Variants in EIF2A observed in about 807,000 individuals in gnomAD.
EIF2A encodes eukaryotic translation initiation factor 2A, also known as 65 kDa eukaryotic translation initiation factor 2A.
In EIF2A, 62 loss-of-function variants were observed where a neutral mutation model predicts 75.2. The observed-to-expected ratio is 0.82, with a 90% CI of 0.67 to 1.02. The LOEUF (loss-of-function observed/expected upper bound fraction) is 1.02, where lower values mean the gene tolerates loss of function less well. EIF2A is among the 50% of genes least tolerant of loss of function. The pLI is 0.00. For synonymous variants in EIF2A, 207 were observed against 239.0 expected (o/e 0.87, Z 1.23); for missense variants, 611 against 677.7 (o/e 0.90, Z 1.09).
chr3:150,582,170 T>G (rs1389475663), intron 12 of EIF2A, among the ~76,000 whole-genome samples: 1 of 150,478 alleles, frequency 6.6e-6, no homozygotes, highest in Non-Finnish European at 1.5e-5. Flanking sequence ...CTGGCTAATT[T>G]TTATATTTTT....
intron 9 of EIF2A, among the ~76,000 whole-genome samples, chr3:150,569,376 C>A (rs1164160930): frequency 2.4e-4 from 37 of 151,762 alleles, no homozygotes. Flanking sequence ...ATAAAGATGT[C>A]ATTTCTCTCT....
Position 150,572,178 on chromosome 3 carries a change from G to A in EIF2A, c.1032G>A (p.Trp344Ter), listed in dbSNP as rs1158824517. The A allele has an allele frequency of 6.2e-7, 1 of 1,613,772 alleles. No homozygotes were observed. The highest frequency in any genetic ancestry group is 1.3e-5 in the African/African-American group (1 of 74,888). ...FGNLRGQMEV[W>*]DVKNYKLISK... ...ATCTGAGGGGACAAATGGAAGTGTG[G>A]GATGTGAAAAACTACAAACTTATTT... is the stretch of plus-strand genomic sequence containing the variant. The change falls in exon 10 of 14, where the codon TGG becomes TGA. Residue 344 changes from tryptophan (W) to a stop codon, truncating the protein, a stop_gained. Transcript: ENST00000460851. LOFTEE classifies it high-confidence loss of function.
chr3:150,558,743 ATTGG>A (rs1559876387), intron 3 of EIF2A: 2 of 184,128 alleles, frequency 1.1e-5, no homozygotes, highest in African/African-American at 4.7e-5. Flanking sequence ...GCTCTAAGTT[ATTGG>A]TTGGAGTTTC....
chr3:150,582,864 T>C (rs2107981651), intron 12 of EIF2A, among the ~76,000 whole-genome samples: 1 of 152,322 alleles, frequency 6.6e-6, no homozygotes, highest in African/African-American at 2.4e-5. Context: ...TCTTTCAGAA[T>C]GCTCTCATTG....
chr3:150,561,579 A>G (rs1723855753), intron 3 of EIF2A, among the ~76,000 whole-genome samples: 1 of 152,012 alleles, frequency 6.6e-6, no homozygotes, highest in Non-Finnish European at 1.5e-5. Flanking sequence ...CTCCATCTCA[A>G]ATAAAAAATA....
At chr3:150,558,542 A>G in intron 3 of EIF2A, 80 bp downstream of exon 3, 1 of 1,214,200 alleles carries the variant, frequency 8.2e-7, no homozygotes, top group Non-Finnish European at 1.1e-6. Flanking sequence ...CAGATATTTG[A>G]GTGTCATTAA....
chr3:150,563,396 G>A lies in EIF2A; in HGVS notation c.293-119G>A, dbSNP rs1723991768. On this transcript the variant is annotated intron_variant, in intron 4 of 13. Transcript: ENST00000460851. ...ATTTATTTATTTTGGTAACACAGAG[G>A]CAAGCTTTCATGATTTAACCCATTT... The A allele has an allele frequency of 3.4e-5, 25 of 741,128 alleles. 1 individual carries two copies. The South Asian group carries it at 4.7e-4, about 14-fold the overall frequency. The allele number at this position is 741,128 out of a possible 1,614,324, so 45.9% of individuals were successfully genotyped here.
In EIF2A at chr3:150,567,691, A is replaced by G. The variant is rs1226774359; in HGVS notation, c.476-2A>G. 1 of 1,521,974 alleles carries G rather than the reference A, an allele frequency of 6.6e-7. No individual in the cohort carries two copies. The highest frequency in any genetic ancestry group is 2.5e-5 in the East Asian group (1 of 40,770). The allele number at this position is 1,521,974 out of a possible 1,614,324, so 94.3% of individuals were successfully genotyped here. On this transcript the variant is annotated splice_acceptor_variant, in intron 6 of 13. Coordinates refer to ENST00000460851, the MANE Select transcript of EIF2A (RefSeq NM_032025.5). LOFTEE classifies it high-confidence loss of function. ...TCTGATTTAATTTACTCTTTTTTTT[A>G]GACACAATTGCAAATAAATTGCATT... is the stretch of plus-strand genomic sequence containing the variant.
intron 9 of EIF2A, among the ~76,000 whole-genome samples, chr3:150,569,051 C>G (rs1724354488): frequency 6.6e-6 from 1 of 152,164 alleles, no homozygotes; most frequent in African/African-American, 2.4e-5. Context: ...GTAGGGTAAT[C>G]TATGTTTTAA....
chr3:150,567,760 A>G lies in EIF2A; in HGVS notation c.543A>G (p.Pro181=), dbSNP rs533264835. 1.0e-5 allele frequency: 16 copies of G among 1,565,740 alleles called. No individual in the cohort carries two copies. The South Asian group carries it at 1.9e-4, about 18-fold the overall frequency. ...NDFVLSPGPQ[P]YKVAVYVPGS... ...TTGTATTATCACCTGGACCCCAACC[A>G]TACAAGGTAATTGCTGTTTTTGTTT... Residue 181 remains proline, a synonymous_variant, in exon 7 of 14, where the codon CCA becomes CCG. Transcript: ENST00000460851.
intron 12 of EIF2A, 42 bp downstream of exon 12, chr3:150,581,788 A>G: frequency 6.5e-7 from 1 of 1,549,396 alleles, no homozygotes; most frequent in Admixed American, 2.0e-5. Flanking sequence ...AAAGGTATAC[A>G]TGAAAATTAT....
In EIF2A at chr3:150,585,920, G is replaced by A. The variant is rs571543680; in HGVS notation, c.*2009G>A. Among the ~76,000 whole-genome samples, 31 of 152,334 alleles carry A rather than the reference G, an allele frequency of 2.0e-4. No individual in the cohort carries two copies. The highest frequency in any genetic ancestry group is 3.1e-4 in the Non-Finnish European group (21 of 68,020). On this transcript the variant is annotated 3_prime_UTR_variant, in exon 14 of 14. Coordinates refer to ENST00000460851, the MANE Select transcript of EIF2A (RefSeq NM_032025.5). ...TGAGAAAGCAGCCAGCTGTAAGCCAGAGAGTCCTCACCAGAACCTAACCAT... is the reference window on the plus strand; with the variant it reads ...TGAGAAAGCAGCCAGCTGTAAGCCAAAGAGTCCTCACCAGAACCTAACCAT...
At chr3:150,555,236 A>G (rs1187452809) in intron 2 of EIF2A, among the ~76,000 whole-genome samples, 1 of 149,048 alleles carries the variant, frequency 6.7e-6, no homozygotes, top group Non-Finnish European at 1.5e-5. Context: ...GCCTGTATGC[A>G]CATTATTTAT....
At chr3:150,581,809 G>C (rs997647840) in intron 12 of EIF2A, 63 bp downstream of exon 12, 1 of 1,524,812 alleles carries the variant, frequency 6.6e-7, no homozygotes, top group Admixed American at 2.1e-5. Flanking sequence ...ATAAGTAAGA[G>C]AGTACTTAGA....
intron 12 of EIF2A, among the ~76,000 whole-genome samples, chr3:150,582,513 ACC>A (rs1235075906): frequency 6.6e-6 from 1 of 151,756 alleles, no homozygotes; most frequent in Admixed American, 6.6e-5. Context: ...ACGGGGTTTC[ACC>A]GTGTTAGCCA....
intron 1 of EIF2A, among the ~76,000 whole-genome samples, chr3:150,550,429 G>C (rs1008335410): frequency 1.3e-5 from 2 of 152,158 alleles, no homozygotes; most frequent in Admixed American, 1.3e-4. Context: ...TTATGGACCT[G>C]ATTTTGTGTT....
Position 150,563,514 on chromosome 3 carries a change from G to C in EIF2A, c.293-1G>C, listed in dbSNP as rs1472429330. ...ACTGAAAAAAAGAAATTTTATTGCA[G>C]CTTCTAAAGATGGCACAGCTGGGAT... is the stretch of plus-strand genomic sequence containing the variant. On this transcript the variant is annotated splice_acceptor_variant, in intron 4 of 13. Transcript: ENST00000460851. LOFTEE classifies it high-confidence loss of function. 7.8e-6 allele frequency: 12 copies of C among 1,541,036 alleles called. No individual in the cohort carries two copies. The highest frequency in any genetic ancestry group is 1.4e-5 in the African/African-American group (1 of 72,406).
chr3:150,560,727 T>C (rs978915571), intron 3 of EIF2A, among the ~76,000 whole-genome samples: 1 of 151,482 alleles, frequency 6.6e-6, no homozygotes, highest in Non-Finnish European at 1.5e-5. Context: ...TTTTTTTTTT[T>C]TTTTTTTTTG....
At position 150,571,991 on chromosome 3, in the gene EIF2A, A is replaced by T; in HGVS notation, c.845A>T (p.Asn282Ile). Residue 282 changes from asparagine to isoleucine, a missense_variant, in exon 10 of 14, where the codon AAT (asparagine) becomes ATT (isoleucine). Transcript: ENST00000460851. ...GGCCCCATTTATGATGTAGTTTGGA[A>T]TTCTAGTTCTACTGAGTTTTGTGCT... ...KNGPIYDVVWNSSSTEFCAVY... is the reference protein window; with the variant it reads ...KNGPIYDVVWISSSTEFCAVY... The T allele has an allele frequency of 1.2e-6, 2 of 1,612,092 alleles. No individual in the cohort carries two copies. The highest frequency in any genetic ancestry group is 1.7e-6 in the Non-Finnish European group (2 of 1,178,984).
Sources: allele counts gnomAD v4.1 joint callset (sites outside exome capture counted in the v4.1 genomes callset), GRCh38; gene constraint gnomAD v4.1.1; transcripts MANE v1.5; gene names NCBI Gene and HGNC (gene_info 2026-07-23, HGNC 2026-07-21).